The following INPP4B variants were observed in gnomAD, a reference collection of about 807,000 sequenced individuals.
INPP4B encodes the protein inositol polyphosphate 4-phosphatase type II.
Under a neutral mutation model 122.5 loss-of-function variants are expected in INPP4B, and 55 were observed. That is an observed-to-expected ratio of 0.45 (90% CI 0.36 to 0.56). INPP4B has a LOEUF of 0.56. Among genes scored for constraint, INPP4B ranks in the 20% least tolerant of loss-of-function variants. The pLI is 0.00. For synonymous variants in INPP4B, 403 were observed against 388.7 expected, an observed-to-expected ratio of 1.04 and a Z score of -0.43; for missense variants, 1,000 against 1,097.7, an observed-to-expected ratio of 0.91 and a Z score of 1.26.
At chr4:142,749,045 C>T (rs1203085749) in intron 1 of INPP4B, among the ~76,000 whole-genome samples, 1 of 151,488 alleles carries the variant, frequency 6.6e-6, no homozygotes, top group Non-Finnish European at 1.5e-5. Context: ...GAGGCTGAGG[C>T]ACAAGAAGTA....
chr4:142,750,337 G>A (rs1015814250), intron 1 of INPP4B, among the ~76,000 whole-genome samples: 1 of 151,956 alleles, frequency 6.6e-6, no homozygotes, highest in South Asian at 2.1e-4. Context: ...AACTTCACAG[G>A]TGTAATCATG....
chr4:142,445,272 G>C (rs1295828243), intron 3 of INPP4B, among the ~76,000 whole-genome samples: 2 of 152,072 alleles, frequency 1.3e-5, no homozygotes, highest in Non-Finnish European at 2.9e-5. Flanking sequence ...ACAGTAGACT[G>C]TGACAATTCA....
At chr4:142,671,665 T>G (rs1297139628) in intron 2 of INPP4B, among the ~76,000 whole-genome samples, 1 of 152,118 alleles carries the variant, frequency 6.6e-6, no homozygotes, top group African/African-American at 2.4e-5. Flanking sequence ...ATCGCCCTCA[T>G]AGGTTTAGAC....
intron 2 of INPP4B, among the ~76,000 whole-genome samples, chr4:142,509,333 C>A (rs113906388): frequency 6.6e-6 from 1 of 152,132 alleles, no homozygotes; most frequent in Non-Finnish European, 1.5e-5. Flanking sequence ...CACCCATCAA[C>A]CCGTCATCTA....
chr4:142,315,680 A>G (rs1183556307), intron 7 of INPP4B, among the ~76,000 whole-genome samples: 2 of 151,434 alleles, frequency 1.3e-5, no homozygotes, highest in Admixed American at 6.6e-5. Flanking sequence ...AAGATAGGGA[A>G]CATAAGAAAA....
intron 25 of INPP4B, among the ~76,000 whole-genome samples, chr4:142,077,819 T>C (rs1771638267): frequency 6.6e-6 from 1 of 152,008 alleles, no homozygotes; most frequent in Non-Finnish European, 1.5e-5. Flanking sequence ...ACCAGGTTTA[T>C]AGTCTTGTCA....
At chr4:142,208,738 G>GT (rs1055518999) in intron 13 of INPP4B, among the ~76,000 whole-genome samples, 158 bp downstream of exon 13, 1 of 151,824 alleles carries the variant, frequency 6.6e-6, no homozygotes, top group African/African-American at 2.4e-5. Context: ...AAATAGGGTA[G>GT]TTTTTTCTTT....
chr4:142,674,033 C>A (rs1174887022), intron 2 of INPP4B, among the ~76,000 whole-genome samples: 1 of 152,094 alleles, frequency 6.6e-6, no homozygotes, highest in Non-Finnish European at 1.5e-5. Flanking sequence ...TCAAGTAATA[C>A]TTCTACCCAG....
At chr4:142,337,602 G>A (rs1017846453) in intron 7 of INPP4B, among the ~76,000 whole-genome samples, 1 of 147,076 alleles carries the variant, frequency 6.8e-6, no homozygotes, top group African/African-American at 2.5e-5. Context: ...CAAAGTGCTG[G>A]TTCAAATGTT....
chr4:142,202,808 G>A lies in INPP4B; in HGVS notation c.1072+5617C>T, dbSNP rs1350088205. ...AAAAACAATGAGAGTGGGCGGGGCC[G>A]TGCTTGACAGGTGTGTTTCACTCAT... On this transcript the variant is annotated intron_variant, in intron 14 of 25. Transcript: ENST00000262992. 21 of 983,390 alleles carry A rather than the reference G, an allele frequency of 2.1e-5. No individual in the cohort carries two copies. The East Asian group carries it at 3.4e-4, about 16-fold the overall frequency. The allele number at this position is 983,390 out of a possible 1,614,324, so 60.9% of individuals were successfully genotyped here. A position where few individuals can be genotyped will look rare whatever the true frequency, so the allele number is the denominator to read the frequency against.
intron 5 of INPP4B, among the ~76,000 whole-genome samples, chr4:142,419,134 G>A (rs1806358205): frequency 6.6e-6 from 1 of 152,000 alleles, no homozygotes; most frequent in Non-Finnish European, 1.5e-5. Flanking sequence ...GATACCATGG[G>A]GGAATACAAT....
intron 2 of INPP4B, among the ~76,000 whole-genome samples, chr4:142,551,219 A>T (rs1727910191): frequency 6.6e-6 from 1 of 152,206 alleles, no homozygotes; most frequent in Non-Finnish European, 1.5e-5. Context: ...CCCCATACTC[A>T]ATCCATGTGT....
intron 22 of INPP4B, among the ~76,000 whole-genome samples, chr4:142,110,952 T>C (rs754629336): frequency 2.6e-5 from 4 of 152,112 alleles, no homozygotes; most frequent in Non-Finnish European, 5.9e-5. Context: ...CAAAACACTC[T>C]ACTGTAGTGT....
In INPP4B at chr4:142,073,919, A is replaced by G. The variant is rs115436326; in HGVS notation, c.2642+8112T>C. On this transcript the variant is annotated intron_variant, in intron 25 of 25. Transcript: ENST00000262992. ...TCATTTTCCAAGTGCAAAGGCATCA[A>G]TCATCTCTCTAATCAACTGTAGGTT... Among the ~76,000 whole-genome samples, 5 of 152,058 alleles carry G rather than the reference A, an allele frequency of 3.3e-5. No individual in the cohort carries two copies. The East Asian group carries it at 5.8e-4, about 18-fold the overall frequency.
At chr4:142,404,756 C>CA (rs1462214736) in intron 6 of INPP4B, among the ~76,000 whole-genome samples, 1 of 151,908 alleles carries the variant, frequency 6.6e-6, no homozygotes, top group Non-Finnish European at 1.5e-5. Context: ...GGAAAAAAAG[C>CA]AAAAACCCTT....
intron 7 of INPP4B, among the ~76,000 whole-genome samples, chr4:142,346,322 T>C (rs1780310009): frequency 2.0e-5 from 3 of 152,068 alleles, no homozygotes; most frequent in Admixed American, 1.3e-4. Context: ...ACTTTTCTTC[T>C]TTTTGACTCT....
chr4:142,351,390 A>T (rs546367474), intron 7 of INPP4B, among the ~76,000 whole-genome samples: 1 of 152,148 alleles, frequency 6.6e-6, no homozygotes, highest in Admixed American at 6.6e-5. Context: ...ACAATCTTAT[A>T]TCTAGTTAAC....
intron 2 of INPP4B, among the ~76,000 whole-genome samples, chr4:142,629,521 T>C (rs1052679634): frequency 6.6e-6 from 1 of 152,100 alleles, no homozygotes; most frequent in Non-Finnish European, 1.5e-5. Context: ...TGTGTATGTG[T>C]GTGTGTTTGA....
chr4:142,445,379 A>G (rs1812691089), intron 3 of INPP4B, among the ~76,000 whole-genome samples: 1 of 151,324 alleles, frequency 6.6e-6, no homozygotes, highest in Non-Finnish European at 1.5e-5. Context: ...AAATACTGAA[A>G]AACAACAAAT....
Sources: gnomAD v4.1 joint callset for allele counts (sites outside exome capture counted in the v4.1 genomes callset) on GRCh38, gnomAD v4.1.1 for gene constraint, MANE v1.5 for transcripts, NCBI Gene and HGNC (gene_info 2026-07-23, HGNC 2026-07-21) for gene names.